Variants in RHEX observed in about 807,000 individuals in gnomAD.
The protein encoded by RHEX is regulator of hemoglobinization and erythroid cell expansion protein.
Under a neutral mutation model 20.1 loss-of-function variants are expected in RHEX, and 18 were observed. That is an observed-to-expected ratio of 0.90 (90% confidence interval 0.62 to 1.33). The LOEUF (loss-of-function observed/expected upper bound fraction) is 1.33, where lower values mean the gene tolerates loss of function less well. RHEX is among the 40% of genes most tolerant of loss of function. The pLI is 0.00. For synonymous variants in RHEX, 87 were observed against 77.1 expected (o/e 1.13, Z -0.67); for missense variants, 192 against 214.3 (o/e 0.90, Z 0.65).
intron 1 of RHEX, among the ~76,000 whole-genome samples, chr1:206,055,395 C>G (rs1185239201): frequency 6.6e-6 from 1 of 152,270 alleles, no homozygotes; most frequent in Non-Finnish European, 1.5e-5. Flanking sequence ...ATTGGGCACT[C>G]TGCCGAATAA....
At chr1:206,061,157 A>T (rs192897734) in intron 1 of RHEX, 51 of 152,300 alleles carry the variant, frequency 3.3e-4, no homozygotes, top group African/African-American at 1.1e-3. Context: ...AATAAACAAA[A>T]TTATAAATTA....
At chr1:206,098,001 C>T (rs1239721627) in intron 2 of RHEX, 80 bp from the exon 3 acceptor site, 2 of 1,279,386 alleles carry the variant, frequency 1.6e-6, no homozygotes, top group African/African-American at 2.9e-5. Flanking sequence ...ATGTCTGCCT[C>T]CAGCTAGGAC....
chr1:206,092,103 T>G (rs1163018993), intron 1 of RHEX, among the ~76,000 whole-genome samples: 5 of 152,078 alleles, frequency 3.3e-5, no homozygotes, highest in Non-Finnish European at 7.4e-5. Context: ...CTTTTCTTTT[T>G]AATAGAGATG....
chr1:206,084,489 G>C (rs1392378414), intron 1 of RHEX, among the ~76,000 whole-genome samples: 1 of 152,162 alleles, frequency 6.6e-6, no homozygotes, highest in Non-Finnish European at 1.5e-5. Flanking sequence ...GACTGAATCA[G>C]TGAAAGAAAA....
intron 1 of RHEX, among the ~76,000 whole-genome samples, chr1:206,074,739 G>T (rs1662598916): frequency 6.6e-6 from 1 of 152,138 alleles, no homozygotes; most frequent in Non-Finnish European, 1.5e-5. Context: ...AACTTTTTGG[G>T]TGCTGACATG....
At chr1:206,059,859 A>T (rs1313079035) in intron 1 of RHEX, among the ~76,000 whole-genome samples, 1 of 152,134 alleles carries the variant, frequency 6.6e-6, no homozygotes, top group Non-Finnish European at 1.5e-5. Flanking sequence ...CCACCAGAGC[A>T]TGGGCAGGCT....
chr1:206,101,713 TA>T (rs1558181528), intron 5 of RHEX, 38 bp from the exon 6 acceptor site: 2 of 1,495,786 alleles, frequency 1.3e-6, no homozygotes, highest in Admixed American at 3.6e-5. Flanking sequence ...CCAAACGTGG[TA>T]GGGATCTTGA....
chr1:206,064,236 C>T (rs1662369374), intron 1 of RHEX, among the ~76,000 whole-genome samples: 1 of 148,294 alleles, frequency 6.7e-6, no homozygotes, highest in Non-Finnish European at 1.5e-5. Context: ...CTCTGCCCGG[C>T]AGCCACCCCG....
intron 1 of RHEX, among the ~76,000 whole-genome samples, chr1:206,079,771 G>A (rs1055538935): frequency 1.3e-5 from 2 of 152,136 alleles, no homozygotes; most frequent in Admixed American, 1.3e-4. Context: ...GGTCATGCTG[G>A]TCTCAAACTC....
chr1:206,057,627 T>C (rs1662218606), intron 1 of RHEX, among the ~76,000 whole-genome samples: 1 of 152,270 alleles, frequency 6.6e-6, no homozygotes, highest in Admixed American at 6.5e-5. Context: ...CTAAGCTGCC[T>C]GATCAGTGGA....
At chr1:206,098,059 G>A in intron 2 of RHEX, 22 bp from the exon 3 acceptor site, 1 of 1,577,012 alleles carries the variant, frequency 6.3e-7, no homozygotes, top group African/African-American at 1.3e-5. Flanking sequence ...CTCTGACTTT[G>A]CCCCTTTTTC....
intron 1 of RHEX, among the ~76,000 whole-genome samples, chr1:206,092,680 CTTCT>C (rs1383141400): frequency 6.6e-6 from 1 of 152,092 alleles, no homozygotes; most frequent in Admixed American, 6.5e-5. Context: ...TTTAAAACCT[CTTCT>C]TTTTTTTGGT....
intron 1 of RHEX, among the ~76,000 whole-genome samples, chr1:206,076,262 C>T (rs1571862292): frequency 6.6e-6 from 1 of 152,032 alleles, no homozygotes; most frequent in South Asian, 2.1e-4. Context: ...TCAAGCCATC[C>T]TCCCGCCTCA....
intron 1 of RHEX, chr1:206,061,495 G>A (rs1662310190): frequency 6.6e-6 from 1 of 152,324 alleles, no homozygotes; most frequent in Admixed American, 6.5e-5. Flanking sequence ...GAGGAGGCGG[G>A]GGGCAGATCT....
intron 1 of RHEX, among the ~76,000 whole-genome samples, chr1:206,074,477 A>G (rs1662594977): frequency 6.6e-6 from 1 of 152,198 alleles, no homozygotes; most frequent in Non-Finnish European, 1.5e-5. Context: ...ATTCTTTTTA[A>G]TATTAGCCTT....
At chr1:206,069,273 G>A (rs1050133467) in intron 1 of RHEX, among the ~76,000 whole-genome samples, 4 of 152,122 alleles carry the variant, frequency 2.6e-5, no homozygotes, top group Non-Finnish European at 4.4e-5. Flanking sequence ...ATCTTTCAAC[G>A]CACAGGACAG....
chr1:206,087,654 AT>A (rs1662865657), intron 1 of RHEX, among the ~76,000 whole-genome samples: 1 of 152,198 alleles, frequency 6.6e-6, no homozygotes, highest in South Asian at 2.1e-4. Context: ...AAATTCAGAC[AT>A]TTAGGTGATC....
intron 1 of RHEX, among the ~76,000 whole-genome samples, chr1:206,058,480 G>T (rs1323861216): frequency 6.6e-6 from 1 of 152,230 alleles, no homozygotes; most frequent in African/African-American, 2.4e-5. Context: ...TTTATACTCA[G>T]TACCTCTTTT....
At chr1:206,075,309 G>A (rs1233236733) in intron 1 of RHEX, among the ~76,000 whole-genome samples, 7 of 152,142 alleles carry the variant, frequency 4.6e-5, no homozygotes, top group East Asian at 1.9e-4. Flanking sequence ...GAAAAACACC[G>A]CATAAAGCTA....
Sources: allele counts gnomAD v4.1 joint callset (sites outside exome capture counted in the v4.1 genomes callset), GRCh38; gene constraint gnomAD v4.1.1; transcripts MANE v1.5; gene names NCBI Gene and HGNC (gene_info 2026-07-23, HGNC 2026-07-21).